The following SHANK2 variants were observed in gnomAD, a reference collection of about 807,000 sequenced individuals.
SHANK2 encodes the protein SH3 and multiple ankyrin repeat domains 2.
SHANK2 carries 43 observed loss-of-function variants against 133.7 expected under a neutral mutation model. The observed-to-expected ratio is 0.32, with a 90% CI of 0.25 to 0.41. The LOEUF (loss-of-function observed/expected upper bound fraction) is 0.41. Ranked by LOEUF, SHANK2 falls within the 10% of genes least tolerant of loss-of-function variation. SHANK2 has a pLI of 1.00. For synonymous variants in SHANK2, 1,017 were observed against 952.8 expected (o/e 1.07, Z -1.24); for missense variants, 1,994 against 2,235.8 (o/e 0.89, Z 2.18).
At chr11:71,057,631 C>A (rs1212174604) in intron 9 of SHANK2, among the ~76,000 whole-genome samples, 1 of 152,056 alleles carries the variant, frequency 6.6e-6, no homozygotes, top group Non-Finnish European at 1.5e-5. Flanking sequence ...CTCGCTGCAA[C>A]CTTCATCTCT....
chr11:70,658,226 CACACACACACACACACACAG>C lies in SHANK2; in HGVS notation c.2061+1582_2061+1601del, dbSNP rs2061431125. On this transcript the variant is annotated intron_variant, in intron 17 of 25. Coordinates refer to ENST00000601538, the MANE Select transcript of SHANK2 (RefSeq NM_012309.5). Reference sequence around the variant, plus strand: ...CCCCCCCAACACACACACACACACACACACACACACACACACACAGACACACACACACACACAGACACACA... The same window carrying C: ...CCCCCCCAACACACACACACACACACACACACACACACACACAGACACACA... Among the ~76,000 whole-genome samples, 22 of 115,150 alleles carry C rather than the reference CACACACACACACACACACAG, an allele frequency of 1.9e-4. No homozygotes were observed. The South Asian group carries it at 3.8e-3, about 20-fold the overall frequency. The allele number at this position is 115,150 out of a possible 152,430, so 75.5% of individuals were successfully genotyped here. A position where few individuals can be genotyped will look rare whatever the true frequency, so the allele number is the denominator to read the frequency against.
At chr11:70,581,252 A>G (rs1554985391) in intron 17 of SHANK2, among the ~76,000 whole-genome samples, 1 of 152,244 alleles carries the variant, frequency 6.6e-6, no homozygotes, top group Non-Finnish European at 1.5e-5. Flanking sequence ...CTGTTCCAGT[A>G]CCTTAGGAAA....
At chr11:71,151,321 C>T (rs1555108042) in intron 2 of SHANK2, among the ~76,000 whole-genome samples, 1 of 152,138 alleles carries the variant, frequency 6.6e-6, no homozygotes, top group African/African-American at 2.4e-5. Flanking sequence ...ACTGTTGACT[C>T]CCAGCGCTCT....
chr11:71,158,292 A>G (rs544451239), intron 2 of SHANK2, among the ~76,000 whole-genome samples: 1 of 152,362 alleles, frequency 6.6e-6, no homozygotes, highest in East Asian at 1.9e-4. Flanking sequence ...AAGAATATAC[A>G]AAAGTTAAGT....
chr11:70,636,262 C>T (rs12796439), intron 17 of SHANK2, among the ~76,000 whole-genome samples: 24,669 of 152,204 alleles, frequency 0.16, 2,593 homozygotes, highest in Non-Finnish European at 0.24. Context: ...TGCGTGTATG[C>T]GAGCATGCAT....
rs147897483 is a variant in SHANK2 at position 70,487,086 on chromosome 11, G to A, written c.3207C>T (p.Asp1069=). 139 of 1,610,288 alleles carry A rather than the reference G, an allele frequency of 8.6e-5. No homozygotes were observed. The highest frequency in any genetic ancestry group is 1.1e-4 in the Non-Finnish European group (133 of 1,179,918). Reference sequence around the variant, plus strand: ...AGGGGCTGCTGACGGTCAGGCTTTCGTCAGGCCGCAGCTGGCTCGGTGGCT... The same window carrying A: ...AGGGGCTGCTGACGGTCAGGCTTTCATCAGGCCGCAGCTGGCTCGGTGGCT... ...APEPPSQLRP[D]ESLTVSSPFA... The change falls in exon 25 of 26, where the codon GAC becomes GAT. Residue 1069 remains aspartate, a synonymous_variant. Transcript: ENST00000601538. The surrounding 1 kb of genome is among the most constrained non-coding windows in gnomAD (Gnocchi z 5.8).
chr11:71,147,807 G>T lies in SHANK2; in HGVS notation c.-12-469C>A, dbSNP rs116820533. On this transcript the variant is annotated intron_variant, in intron 2 of 25. Transcript: ENST00000601538. ...CAGGTCAGAATGGCAGCAAGTTCACGCTATAATAACCCTCTCTGCTTCAAA... is the reference window on the plus strand; with the variant it reads ...CAGGTCAGAATGGCAGCAAGTTCACTCTATAATAACCCTCTCTGCTTCAAA... 8.2e-3 allele frequency among the ~76,000 whole-genome samples: 1,246 copies of T among 152,326 alleles called. 16 individuals carry two copies. The highest frequency in any genetic ancestry group is 0.028 in the African/African-American group (1,175 of 41,564).
At chr11:70,768,405 C>T (rs1220608018) in intron 14 of SHANK2, among the ~76,000 whole-genome samples, 2 of 152,176 alleles carry the variant, frequency 1.3e-5, no homozygotes, top group African/African-American at 2.4e-5. Flanking sequence ...ACAAGAGTGT[C>T]ACCACACCAA....
intron 4 of SHANK2, among the ~76,000 whole-genome samples, chr11:71,114,145 C>T (rs1555099907): frequency 6.6e-6 from 1 of 152,178 alleles, no homozygotes; most frequent in East Asian, 1.9e-4. Context: ...AGAGTTAACT[C>T]AGGGCTGGGC....
intron 17 of SHANK2, among the ~76,000 whole-genome samples, chr11:70,609,539 C>T (rs185619409): frequency 3.6e-3 from 548 of 152,114 alleles, no homozygotes; most frequent in African/African-American, 0.012. Flanking sequence ...GGCCGAGAGG[C>T]GGTGGAAACA....
intron 8 of SHANK2, among the ~76,000 whole-genome samples, chr11:71,085,662 TTA>T (rs1194232671): frequency 0.12 from 2,479 of 20,106 alleles, 118 homozygotes; most frequent in African/African-American, 0.2. Context: ...ATATATTATA[TTA>T]TATATGTTAT....
chr11:71,189,805 G>A (rs1953753663), intron 2 of SHANK2, among the ~76,000 whole-genome samples: 1 of 152,246 alleles, frequency 6.6e-6, no homozygotes, highest in East Asian at 1.9e-4. Context: ...CCCAAAGCCT[G>A]TGCTGCTGCC....
At chr11:70,765,353 A>C (rs952489843) in intron 14 of SHANK2, among the ~76,000 whole-genome samples, 1 of 152,192 alleles carries the variant, frequency 6.6e-6, no homozygotes, top group Non-Finnish European at 1.5e-5. Flanking sequence ...TTTTACAATG[A>C]CTGGGAAAGA....
rs1284276240 is a variant in SHANK2, at chr11:71,081,424, C to T, written c.913-6149G>A. 7.9e-5 allele frequency among the ~76,000 whole-genome samples: 12 copies of T among 152,314 alleles called. No homozygotes were observed. The East Asian group carries it at 2.3e-3, about 29-fold the overall frequency. On this transcript the variant is annotated intron_variant, in intron 8 of 25. Coordinates refer to ENST00000601538, the MANE Select transcript of SHANK2 (RefSeq NM_012309.5). The stretch of plus-strand genomic sequence containing the variant: ...CCAAAAGGAGAGATGACTGGCATTC[C>T]CACATAAAGCTGCGGCCCTTGCCCA...
At chr11:71,219,743 A>G (rs1412778041) in intron 2 of SHANK2, among the ~76,000 whole-genome samples, 1 of 151,828 alleles carries the variant, frequency 6.6e-6, no homozygotes, top group Non-Finnish European at 1.5e-5. Flanking sequence ...AAATAAAATA[A>G]AATAATTAGC....
Position 71,058,500 on chromosome 11 carries a change from C to T in SHANK2, c.1030-1942G>A, listed in dbSNP as rs1950947896. Among the ~76,000 whole-genome samples, 5 of 152,360 alleles carry T rather than the reference C, an allele frequency of 3.3e-5. No homozygotes were observed. In the South Asian group the frequency reaches 1.0e-3, roughly 32 times the overall value. On this transcript the variant is annotated intron_variant, in intron 9 of 25. Transcript: ENST00000601538. Reference sequence around the variant, plus strand: ...TTAGAATAATTTTGCCTAGCAAATGCAGTTGGCTGTTTAGAATAAGCAAAC... The same window carrying T: ...TTAGAATAATTTTGCCTAGCAAATGTAGTTGGCTGTTTAGAATAAGCAAAC...
intron 5 of SHANK2, 128 bp from the exon 6 acceptor site, chr11:71,110,177 G>A (rs1031939700): frequency 7.4e-6 from 5 of 679,294 alleles, no homozygotes; most frequent in Admixed American, 4.8e-5. Flanking sequence ...GGTGGCTCAC[G>A]CCTGTAATCC....
rs557924349 is a variant in SHANK2, at chr11:71,196,985, G to A, written c.-13+27712C>T. Among the ~76,000 whole-genome samples, 9 of 122,942 alleles carry A rather than the reference G, an allele frequency of 7.3e-5. No homozygotes were observed. The East Asian group carries it at 2.1e-3, about 29-fold the overall frequency. The allele number at this position is 122,942 out of a possible 152,430, so 80.7% of individuals were successfully genotyped here. On this transcript the variant is annotated intron_variant, in intron 2 of 25. Coordinates refer to ENST00000601538, the MANE Select transcript of SHANK2 (RefSeq NM_012309.5). ...CGCACTTCAGCCTTGGTGACAGAGTGAGACTCTGTCTCAAAAAAAAAAAAA... is the reference window on the plus strand; with the variant it reads ...CGCACTTCAGCCTTGGTGACAGAGTAAGACTCTGTCTCAAAAAAAAAAAAA...
chr11:71,132,432 T>C (rs1952333992), intron 3 of SHANK2, among the ~76,000 whole-genome samples: 1 of 152,216 alleles, frequency 6.6e-6, no homozygotes, highest in South Asian at 2.1e-4. Flanking sequence ...CTGTGGGATT[T>C]ACAGAGCTTT....
Sources: gnomAD v4.1 joint callset for allele counts (sites outside exome capture counted in the v4.1 genomes callset) on GRCh38, gnomAD v4.1.1 for gene constraint, Gnocchi (gnomAD v3.1) non-coding constraint, MANE v1.5 for transcripts, NCBI Gene and HGNC (gene_info 2026-07-23, HGNC 2026-07-21) for gene names.